The following SLC1A4 variants were observed in gnomAD, a reference collection of about 807,000 sequenced individuals.
SLC1A4 encodes neutral amino acid transporter A.
In SLC1A4, 19 loss-of-function variants were observed where a neutral mutation model predicts 37.7. The observed-to-expected ratio is 0.50, with a 90% CI of 0.35 to 0.74. The LOEUF (loss-of-function observed/expected upper bound fraction) is 0.74. Among genes scored for constraint, SLC1A4 ranks in the 30% least tolerant of loss-of-function variants. The pLI, the probability that SLC1A4 is intolerant of heterozygous loss-of-function variation, is 0.01. For synonymous variants in SLC1A4, 299 were observed against 309.8 expected, an observed-to-expected ratio of 0.97 and a Z score of 0.37; for missense variants, 570 against 712.9, an observed-to-expected ratio of 0.80 and a Z score of 2.28.
intron 3 of SLC1A4, among the ~76,000 whole-genome samples, chr2:65,007,321 G>A (rs950124543): frequency 6.6e-5 from 10 of 152,068 alleles, no homozygotes; most frequent in East Asian, 1.9e-4. Flanking sequence ...TAGCAGGGTG[G>A]CCAGGGAGGT....
In SLC1A4 at chr2:64,990,057, C is replaced by G. The variant is rs1672994119; in HGVS notation, c.414C>G (p.Ile138Met). ...CGCTCGCCGTGGCCTTGGCGTTCAT[C>G]ATCAAGCCAGGATCCGGTGCGCAGA... ...ASALAVALAF[I>M]IKPGSGAQTL... is the part of the protein sequence containing the mutation. The change falls in exon 1 of 8, where the codon ATC becomes ATG. Residue 138 changes from isoleucine to methionine, a missense_variant. By Grantham distance (10) the Ile-to-Met change is conservative. Coordinates refer to ENST00000234256, the MANE Select transcript of SLC1A4 (RefSeq NM_003038.5). 10 of 1,607,832 alleles carry G rather than the reference C, an allele frequency of 6.2e-6. No individual in the cohort carries two copies. The highest frequency in any genetic ancestry group is 8.5e-6 in the Non-Finnish European group (10 of 1,177,352).
At chr2:64,991,876 C>T (rs552457808) in intron 1 of SLC1A4, among the ~76,000 whole-genome samples, 1 of 152,266 alleles carries the variant, frequency 6.6e-6, no homozygotes, top group East Asian at 1.9e-4. Context: ...GCTGGGATTA[C>T]AGGTGTGAGC....
At chr2:65,012,044 C>T (rs1236971862) in intron 4 of SLC1A4, among the ~76,000 whole-genome samples, 2 of 151,884 alleles carry the variant, frequency 1.3e-5, no homozygotes, top group African/African-American at 4.8e-5. Flanking sequence ...GCTGAGATTA[C>T]AGGCATGAGC....
intron 4 of SLC1A4, chr2:65,011,433 ATT>A (rs563039294): frequency 5.6e-5 from 8 of 141,806 alleles, no homozygotes; most frequent in African/African-American, 1.8e-4. Flanking sequence ...TACCCAGCTA[ATT>A]TTTTTTTTTT....
chr2:64,996,453 G>C (rs1425023869), intron 1 of SLC1A4, among the ~76,000 whole-genome samples: 1 of 152,206 alleles, frequency 6.6e-6, no homozygotes, highest in Non-Finnish European at 1.5e-5. Context: ...TCAGTGCTTA[G>C]AAGCATCCTA....
intron 7 of SLC1A4, among the ~76,000 whole-genome samples, chr2:65,020,310 A>G (rs1000054374): frequency 5.9e-5 from 9 of 152,242 alleles, no homozygotes; most frequent in African/African-American, 1.9e-4. Context: ...TCTGTGGTCC[A>G]GGCTAGAGTG....
intron 2 of SLC1A4, among the ~76,000 whole-genome samples, chr2:65,003,171 C>A (rs1358070168): frequency 6.6e-6 from 1 of 152,150 alleles, no homozygotes; most frequent in Non-Finnish European, 1.5e-5. Flanking sequence ...GAAACCAGAG[C>A]CCAGCAAGGG....
Position 65,001,459 on chromosome 2 carries a change from C to T in SLC1A4, c.539C>T (p.Pro180Leu). 1 of 1,613,962 alleles carries T rather than the reference C, an allele frequency of 6.2e-7. No homozygotes were observed. The highest frequency in any genetic ancestry group is 1.1e-5 in the South Asian group (1 of 91,068). Reference sequence around the variant, plus strand: ...TTCTTTTCCAACAGAAACCTGTTTCCCTCCAATCTTGTGGTTGCAGCTTTC... The same window carrying T: ...TTCTTTTCCAACAGAAACCTGTTTCTCTCCAATCTTGTGGTTGCAGCTTTC... ...SFLDLARNLF[P>L]SNLVVAAFRT... Residue 180 changes from proline (P) to leucine (L), a missense_variant, in exon 2 of 8, where the codon CCC (proline) becomes CTC (leucine). Transcript: ENST00000234256.
At chr2:65,014,722 T>C (rs1674058021) in intron 4 of SLC1A4, among the ~76,000 whole-genome samples, 1 of 152,244 alleles carries the variant, frequency 6.6e-6, no homozygotes, top group Non-Finnish European at 1.5e-5. Flanking sequence ...AATATGCACA[T>C]CCTATAACTT....
intron 3 of SLC1A4, 136 bp downstream of exon 3, chr2:65,004,151 T>C (rs757552284): frequency 1.4e-5 from 10 of 693,812 alleles, no homozygotes; most frequent in Non-Finnish European, 2.3e-5. Flanking sequence ...TTAGGTTTGC[T>C]CCTTTGGTTA....
chr2:65,017,952 A>G lies in SLC1A4; in HGVS notation c.1035-119A>G, dbSNP rs767638027. On this transcript the variant is annotated intron_variant, in intron 5 of 7. Coordinates refer to ENST00000234256, the MANE Select transcript of SLC1A4 (RefSeq NM_003038.5). ...ATTCTGTTTTTTCCCTTATTTCAAG[A>G]GAAGAAAGCCAGAAACGAAGATGGT... 13 of 811,500 alleles carry G rather than the reference A, an allele frequency of 1.6e-5. No homozygotes were observed. The Admixed American group carries it at 2.9e-4, about 18-fold the overall frequency. The allele number at this position is 811,500 out of a possible 1,614,324, so 50.3% of individuals were successfully genotyped here. A position where few individuals can be genotyped will look rare whatever the true frequency, so the allele number is the denominator to read the frequency against.
At chr2:65,016,407 C>T in intron 4 of SLC1A4, 33 bp from the exon 5 acceptor site, 1 of 1,547,752 alleles carries the variant, frequency 6.5e-7, no homozygotes, top group Non-Finnish European at 8.9e-7. Context: ...AGCTTTATCC[C>T]CCACTGATGA....
chr2:64,996,794 T>C (rs1007605012), intron 1 of SLC1A4, among the ~76,000 whole-genome samples: 2 of 152,108 alleles, frequency 1.3e-5, no homozygotes, highest in Non-Finnish European at 2.9e-5. Flanking sequence ...AATGAGGGGA[T>C]AGAACTGGAT....
At chr2:65,019,768 C>T (rs892508398) in intron 7 of SLC1A4, among the ~76,000 whole-genome samples, 2 of 152,232 alleles carry the variant, frequency 1.3e-5, no homozygotes, top group Non-Finnish European at 2.9e-5. Context: ...GGCCCCCTCT[C>T]CTTCCTCACC....
intron 3 of SLC1A4, among the ~76,000 whole-genome samples, chr2:65,008,118 T>C (rs933684121): frequency 6.6e-6 from 1 of 152,232 alleles, no homozygotes; most frequent in African/African-American, 2.4e-5. Context: ...TCTGGTTTAA[T>C]TGAATCTTGA....
At chr2:65,003,860 A>G (rs1673571969) in intron 2 of SLC1A4, 93 bp from the exon 3 acceptor site, 7 of 893,942 alleles carry the variant, frequency 7.8e-6, no homozygotes, top group Non-Finnish European at 1.3e-5. Flanking sequence ...GAACAGTGAC[A>G]GAAGTACCAA....
intron 1 of SLC1A4, among the ~76,000 whole-genome samples, chr2:64,995,686 C>A (rs1410336819): frequency 2.7e-4 from 41 of 152,200 alleles, no homozygotes; most frequent in Non-Finnish European, 5.6e-4. Context: ...AAATATTTAT[C>A]AGGTGTACAT....
chr2:65,018,491 T>C lies in SLC1A4; in HGVS notation c.1230-54T>C. 6.2e-7 allele frequency: 1 copy of C among 1,600,770 alleles called. No homozygotes were observed. Among genetic ancestry groups the C allele is most frequent in the Non-Finnish European group, 8.5e-7 (1 of 1,172,782 alleles). ...TGCAGCTGCATGGTCTGCATTTCTCTGTGTCCACTCCACGCTCTATGTTAA... is the reference window on the plus strand; with the variant it reads ...TGCAGCTGCATGGTCTGCATTTCTCCGTGTCCACTCCACGCTCTATGTTAA... On this transcript the variant is annotated intron_variant, in intron 6 of 7. Coordinates refer to ENST00000234256, the MANE Select transcript of SLC1A4 (RefSeq NM_003038.5). This position sits in a 1 kb window ranked among gnomAD's most constrained non-coding sequence, Gnocchi z 4.3.
chr2:65,002,738 C>T (rs1673526396), intron 2 of SLC1A4, among the ~76,000 whole-genome samples: 1 of 151,884 alleles, frequency 6.6e-6, no homozygotes, highest in East Asian at 1.9e-4. Context: ...CCACCACACC[C>T]AGCTAATTTT....
Sources: gnomAD v4.1 joint callset for allele counts (sites outside exome capture counted in the v4.1 genomes callset) on GRCh38, gnomAD v4.1.1 for gene constraint, Gnocchi (gnomAD v3.1) non-coding constraint, MANE v1.5 for transcripts, NCBI Gene and HGNC (gene_info 2026-07-23, HGNC 2026-07-21) for gene names.